The following EXOC4 variants were observed in gnomAD, a reference collection of about 807,000 sequenced individuals.
The protein encoded by EXOC4 is SEC8-like 1.
In EXOC4, 71 loss-of-function variants were observed where a neutral mutation model predicts 107.2. The observed-to-expected ratio is 0.66, with a 90% CI of 0.55 to 0.81. The LOEUF (loss-of-function observed/expected upper bound fraction) is 0.81, where lower values mean the gene tolerates loss of function less well. Ranked by LOEUF, EXOC4 falls within the 30% of genes least tolerant of loss-of-function variation. The pLI, the probability that EXOC4 is intolerant of heterozygous loss-of-function variation, is 0.00. For missense variants in EXOC4, 1,108 were observed against 1,189.6 expected (o/e 0.93, Z 1.01); for synonymous variants, 456 against 441.2 (o/e 1.03, Z -0.42).
the EXOC4 span, among the ~76,000 whole-genome samples, chr7:134,075,059 G>T: frequency 6.6e-6 from 1 of 152,196 alleles, no homozygotes; most frequent in Admixed American, 6.5e-5. Flanking sequence ...GTATGAGGAG[G>T]ATCAGCACAG....
At chr7:133,611,692 C>G (rs1247094103) in intron 9 of EXOC4, among the ~76,000 whole-genome samples, 2 of 152,052 alleles carry the variant, frequency 1.3e-5, no homozygotes, top group Non-Finnish European at 2.9e-5. Flanking sequence ...TCTTTACAGA[C>G]TAACTCCTAC....
At chr7:133,462,385 A>G (rs1798616066) in intron 7 of EXOC4, among the ~76,000 whole-genome samples, 1 of 152,212 alleles carries the variant, frequency 6.6e-6, no homozygotes, top group Non-Finnish European at 1.5e-5. Flanking sequence ...TTTACATCTG[A>G]TGGGAAGATA....
chr7:133,762,461 C>G (rs192282541), intron 10 of EXOC4, among the ~76,000 whole-genome samples: 2 of 152,180 alleles, frequency 1.3e-5, no homozygotes, highest in Non-Finnish European at 2.9e-5. Context: ...AACAATTAGT[C>G]CTATACTTTC....
At chr7:133,390,754 T>C (rs1431059455) in intron 7 of EXOC4, among the ~76,000 whole-genome samples, 1 of 152,228 alleles carries the variant, frequency 6.6e-6, no homozygotes, top group Non-Finnish European at 1.5e-5. Context: ...TGTAATCATT[T>C]CAAAAGTCCT....
At chr7:133,412,278 G>GTTTGT (rs1797375008) in intron 7 of EXOC4, among the ~76,000 whole-genome samples, 1 of 71,476 alleles carries the variant, frequency 1.4e-5, no homozygotes, top group African/African-American at 5.4e-5. Context: ...TCAGAATTCA[G>GTTTGT]TTTTTTTTTT....
chr7:133,971,349 TATATATATATATAG>T (rs1201228718), intron 14 of EXOC4, among the ~76,000 whole-genome samples: 148 of 99,956 alleles, frequency 1.5e-3, no homozygotes, highest in African/African-American at 5.9e-3. Context: ...TATATATATA[TATATATATATATAG>T]AGAGAGAGAG....
At chr7:133,470,750 G>C (rs1029704629) in intron 7 of EXOC4, among the ~76,000 whole-genome samples, 1 of 152,156 alleles carries the variant, frequency 6.6e-6, no homozygotes, top group Non-Finnish European at 1.5e-5. Flanking sequence ...TGAAGGAATT[G>C]AGAGCCAACA....
At chr7:133,530,870 A>G (rs947349835) in intron 9 of EXOC4, among the ~76,000 whole-genome samples, 2 of 152,208 alleles carry the variant, frequency 1.3e-5, no homozygotes, top group Admixed American at 6.5e-5. Flanking sequence ...ATGCCAAGGC[A>G]TCTGTGATGA....
At chr7:133,636,654 C>T (rs563154944) in intron 10 of EXOC4, among the ~76,000 whole-genome samples, 35 of 152,330 alleles carry the variant, frequency 2.3e-4, no homozygotes, top group African/African-American at 8.2e-4. Flanking sequence ...CAAAGTGTTA[C>T]TGATGCTGGT....
At chr7:133,539,611 C>A (rs1172714665) in intron 9 of EXOC4, among the ~76,000 whole-genome samples, 1 of 152,000 alleles carries the variant, frequency 6.6e-6, no homozygotes, top group African/African-American at 2.4e-5. Context: ...TATATATATT[C>A]TCTCTAAAAG....
At chr7:133,733,702 T>G (rs1031582847) in intron 10 of EXOC4, 7 of 152,182 alleles carry the variant, frequency 4.6e-5, no homozygotes, top group African/African-American at 1.7e-4. Flanking sequence ...TTATTGCCTT[T>G]CCTTGCCAAT....
chr7:133,991,172 G>A (rs962853346), intron 14 of EXOC4, among the ~76,000 whole-genome samples: 1 of 152,040 alleles, frequency 6.6e-6, no homozygotes, highest in African/African-American at 2.4e-5. Context: ...GATTAGTGAT[G>A]TTAAGCATTT....
Position 133,439,832 on chromosome 7 carries a change from C to T in EXOC4, c.1183-35496C>T, listed in dbSNP as rs530589909. ...TCCCATGTTTTCCCTGGACCTGCCT[C>T]ACTGTTGAATTGTGTAATGTGTAGA... On this transcript the variant is annotated intron_variant, in intron 7 of 17. Coordinates refer to ENST00000253861, the MANE Select transcript of EXOC4 (RefSeq NM_021807.4). Among the ~76,000 whole-genome samples, 11 of 152,280 alleles carry T rather than the reference C, an allele frequency of 7.2e-5. 1 individual carries two copies. The South Asian group carries it at 1.7e-3, about 23-fold the overall frequency.
At chr7:133,855,844 TAC>T (rs1798362530) in intron 11 of EXOC4, among the ~76,000 whole-genome samples, 1 of 152,210 alleles carries the variant, frequency 6.6e-6, no homozygotes, top group Non-Finnish European at 1.5e-5. Flanking sequence ...TGCATCTGTC[TAC>T]AGAGAAGGCG....
chr7:133,290,545 C>A (rs769527819), intron 3 of EXOC4, among the ~76,000 whole-genome samples: 1 of 152,152 alleles, frequency 6.6e-6, no homozygotes, highest in Non-Finnish European at 1.5e-5. Flanking sequence ...AAATATACAT[C>A]TATTTGAATC....
intron 13 of EXOC4, among the ~76,000 whole-genome samples, chr7:133,921,406 A>G (rs1292095357): frequency 6.6e-6 from 1 of 152,192 alleles, no homozygotes; most frequent in Non-Finnish European, 1.5e-5. Context: ...GAAATGTTAA[A>G]CCAGTTATCT....
chr7:133,436,910 T>C (rs1166792271), intron 7 of EXOC4, among the ~76,000 whole-genome samples: 2 of 152,170 alleles, frequency 1.3e-5, no homozygotes, highest in Admixed American at 6.5e-5. Flanking sequence ...AGGCATATAA[T>C]TTTATATAAA....
chr7:133,514,757 G>C (rs1799840982), intron 9 of EXOC4, among the ~76,000 whole-genome samples: 2 of 152,260 alleles, frequency 1.3e-5, no homozygotes, highest in South Asian at 4.1e-4. Flanking sequence ...ACATAGCAAG[G>C]AAAACTTGAG....
intron 14 of EXOC4, among the ~76,000 whole-genome samples, chr7:133,942,344 A>T (rs1165367680): frequency 2.0e-5 from 3 of 152,048 alleles, no homozygotes; most frequent in Non-Finnish European, 4.4e-5. Context: ...TCAGAAATTA[A>T]ATAATTACTA....
Sources: gnomAD v4.1 joint callset for allele counts (sites outside exome capture counted in the v4.1 genomes callset) on GRCh38, gnomAD v4.1.1 for gene constraint, MANE v1.5 for transcripts, NCBI Gene and HGNC (gene_info 2026-07-23, HGNC 2026-07-21) for gene names.